CTNNA3: variants seen among roughly 807,000 people sequenced by gnomAD.
The protein encoded by CTNNA3 is catenin alpha 3, also known as catenin alpha-3.
Under a neutral mutation model 95.7 loss-of-function variants are expected in CTNNA3, and 76 were observed. That is an observed-to-expected ratio of 0.79 (90% confidence interval 0.66 to 0.96). CTNNA3 has a LOEUF of 0.96. CTNNA3 is among the 40% of genes least tolerant of loss of function. The probability of loss-of-function intolerance (pLI) is 0.00; values close to 1 mark genes in which losing one functional copy is unlikely to be tolerated. For missense variants in CTNNA3, 1,191 were observed against 1,089.8 expected, an observed-to-expected ratio of 1.09 and a Z score of -1.31; for synonymous variants, 431 against 374.4, an observed-to-expected ratio of 1.15 and a Z score of -1.74.
intron 15 of CTNNA3, among the ~76,000 whole-genome samples, chr10:65,995,641 T>C (rs1372343373): frequency 2.0e-5 from 3 of 152,224 alleles, no homozygotes; most frequent in Non-Finnish European, 2.9e-5. Context: ...CTTTCTTGGG[T>C]TCTGGCAGTG....
chr10:67,301,464 T>G (rs1840267030), intron 5 of CTNNA3, among the ~76,000 whole-genome samples: 1 of 152,096 alleles, frequency 6.6e-6, no homozygotes, highest in Non-Finnish European at 1.5e-5. Context: ...AAACTAAAAA[T>G]AGAGCTATCA....
At chr10:67,600,585 G>GTTCACCAAC (rs1418076847) in intron 3 of CTNNA3, among the ~76,000 whole-genome samples, 6 of 152,138 alleles carry the variant, frequency 3.9e-5, no homozygotes, top group African/African-American at 1.4e-4. Context: ...AGTTCACCAA[G>GTTCACCAAC]TTCACAAGAA....
At chr10:66,772,234 G>A (rs1326958253) in intron 8 of CTNNA3, among the ~76,000 whole-genome samples, 2 of 151,946 alleles carry the variant, frequency 1.3e-5, no homozygotes, top group African/African-American at 4.8e-5. Context: ...GACCAGCCTG[G>A]CCAACATGGT....
At chr10:67,626,908 TC>T (rs1379769972) in intron 2 of CTNNA3, among the ~76,000 whole-genome samples, 3 of 152,192 alleles carry the variant, frequency 2.0e-5, no homozygotes, top group Non-Finnish European at 4.4e-5. Flanking sequence ...CTTTAATAAA[TC>T]TTTGGTAAAT....
chr10:67,531,708 G>T (rs1840332715), intron 4 of CTNNA3, among the ~76,000 whole-genome samples: 2 of 152,120 alleles, frequency 1.3e-5, no homozygotes, highest in African/African-American at 4.8e-5. Context: ...GATTAGTTTT[G>T]AAATGTGAGG....
At chr10:67,097,425 T>A (rs1002606704) in intron 7 of CTNNA3, among the ~76,000 whole-genome samples, 1 of 151,758 alleles carries the variant, frequency 6.6e-6, no homozygotes, top group Non-Finnish European at 1.5e-5. Flanking sequence ...TCTCACCATA[T>A]AGGAATAGGG....
intron 12 of CTNNA3, among the ~76,000 whole-genome samples, chr10:66,360,743 TCTTCCTTCCTTC>T (rs779687190): frequency 7.8e-5 from 3 of 38,434 alleles, no homozygotes; most frequent in Non-Finnish European, 2.0e-4. Flanking sequence ...TTTCTTTCTT[TCTTCCTTCCTTC>T]CTTCCTTCCT....
At position 67,371,145 on chromosome 10, in the gene CTNNA3, C is replaced by T. The variant is rs371542892; in HGVS notation, c.579+150697G>A. On this transcript the variant is annotated intron_variant, in intron 5 of 17. Transcript: ENST00000433211. ...CCTCCCAAAGTGCTGGGATTACAGG[C>T]GTGAGCCACCGCGCCCGGCCAAGAG... 1.1e-3 allele frequency among the ~76,000 whole-genome samples: 171 copies of T among 151,894 alleles called. 3 individuals carry two copies. In the South Asian group the frequency reaches 0.031, roughly 27 times the overall value.
At chr10:66,943,164 C>T (rs944413911) in intron 7 of CTNNA3, among the ~76,000 whole-genome samples, 24 of 152,098 alleles carry the variant, frequency 1.6e-4, no homozygotes, top group Admixed American at 3.3e-4. Flanking sequence ...GAAAATAATT[C>T]GTTCTTTTTA....
intron 5 of CTNNA3, among the ~76,000 whole-genome samples, chr10:67,434,388 G>A (rs889401577): frequency 6.6e-6 from 1 of 151,966 alleles, no homozygotes; most frequent in African/African-American, 2.4e-5. Context: ...GCCATCAATA[G>A]TACTTAAAGT....
At chr10:66,358,403 A>T (rs1354779550) in intron 12 of CTNNA3, among the ~76,000 whole-genome samples, 1 of 151,988 alleles carries the variant, frequency 6.6e-6, no homozygotes, top group Non-Finnish European at 1.5e-5. Context: ...TATCCTTCAA[A>T]CTCTGATTTC....
chr10:67,179,528 C>A (rs1255910529), intron 7 of CTNNA3, among the ~76,000 whole-genome samples: 1 of 148,456 alleles, frequency 6.7e-6, no homozygotes, highest in Non-Finnish European at 1.5e-5. Flanking sequence ...GACACTGTCA[C>A]ATTTGAAAAA....
chr10:66,689,086 G>A (rs763990742), intron 9 of CTNNA3, among the ~76,000 whole-genome samples: 2 of 135,634 alleles, frequency 1.5e-5, no homozygotes, highest in Non-Finnish European at 3.1e-5. Flanking sequence ...GTGTATGTGT[G>A]CACGTGTGTG....
intron 9 of CTNNA3, among the ~76,000 whole-genome samples, chr10:66,661,415 A>T (rs1330603754): frequency 6.6e-6 from 1 of 152,142 alleles, no homozygotes; most frequent in African/African-American, 2.4e-5. Context: ...CTATGATTCA[A>T]ATCCCTCCCA....
At chr10:66,164,198 G>A (rs961372865) in intron 13 of CTNNA3, among the ~76,000 whole-genome samples, 2 of 151,882 alleles carry the variant, frequency 1.3e-5, no homozygotes, top group South Asian at 2.1e-4. Flanking sequence ...CTAACTTGCA[G>A]GCCAATCACA....
chr10:66,716,977 G>A (rs1381891907), intron 9 of CTNNA3, among the ~76,000 whole-genome samples: 3 of 151,150 alleles, frequency 2.0e-5, no homozygotes, highest in Non-Finnish European at 4.4e-5. Context: ...GTTTACCCTT[G>A]ATAATGTAGG....
chr10:67,546,025 AT>A (rs1840834572), intron 3 of CTNNA3, among the ~76,000 whole-genome samples: 1 of 152,204 alleles, frequency 6.6e-6, no homozygotes, highest in East Asian at 1.9e-4. Flanking sequence ...AAATTTCAAT[AT>A]TAAGGAAGAT....
At chr10:67,232,370 G>A (rs1382024124) in intron 5 of CTNNA3, among the ~76,000 whole-genome samples, 2 of 151,844 alleles carry the variant, frequency 1.3e-5, no homozygotes, top group Non-Finnish European at 2.9e-5. Flanking sequence ...CATTCTTAAA[G>A]AAAAGAATTT....
At chr10:66,961,891 A>C (rs1039425717) in intron 7 of CTNNA3, among the ~76,000 whole-genome samples, 1 of 152,072 alleles carries the variant, frequency 6.6e-6, no homozygotes, top group Admixed American at 6.6e-5. Context: ...ATGGAGGCCA[A>C]ATGTTTGAAG....
Sources: allele counts gnomAD v4.1 joint callset (sites outside exome capture counted in the v4.1 genomes callset), GRCh38; gene constraint gnomAD v4.1.1; transcripts MANE v1.5; gene names NCBI Gene and HGNC (gene_info 2026-07-23, HGNC 2026-07-21).